The following AGBL1 variants were observed in gnomAD, a reference collection of about 807,000 sequenced individuals.
AGBL1 encodes cytosolic carboxypeptidase 4.
In AGBL1, 130 loss-of-function variants were observed where a neutral mutation model predicts 118.9. The ratio of observed to expected loss-of-function variants is 1.09; its 90% CI spans 0.95 to 1.26. The LOEUF (loss-of-function observed/expected upper bound fraction) is 1.26, where lower values mean the gene tolerates loss of function less well. Ranked by LOEUF, AGBL1 falls within the 50% of genes most tolerant of loss-of-function variation. AGBL1 has a pLI of 0.00. For missense variants in AGBL1, 1,584 were observed against 1,298.1 expected, an observed-to-expected ratio of 1.22 and a Z score of -3.38; for synonymous variants, 555 against 478.9, an observed-to-expected ratio of 1.16 and a Z score of -2.08.
At position 86,252,194 on chromosome 15, in the gene AGBL1, C is replaced by G. The variant is rs187089572; in HGVS notation, c.735+4315C>G. Among the ~76,000 whole-genome samples, 24 of 152,244 alleles carry G rather than the reference C, an allele frequency of 1.6e-4. No homozygotes were observed. In the East Asian group the frequency reaches 2.5e-3, roughly 16 times the overall value. On this transcript the variant is annotated intron_variant, in intron 7 of 22. Transcript: ENST00000614907. ...CCACTGGAATAAGAACTGATATGGC[C>G]TTTTAAAAGTCACAGTTGCCACCAT...
chr15:86,095,802 ATGTGAT>A (rs1896341990), intron 1 of AGBL1, among the ~76,000 whole-genome samples: 3 of 152,046 alleles, frequency 2.0e-5, no homozygotes, highest in Admixed American at 1.3e-4. Context: ...CATCCACTAC[ATGTGAT>A]TACTGATAAG....
chr15:86,337,830 T>G (rs2080397056), intron 17 of AGBL1, among the ~76,000 whole-genome samples: 1 of 152,164 alleles, frequency 6.6e-6, no homozygotes, highest in Admixed American at 6.5e-5. Flanking sequence ...GTAACAAACC[T>G]GCACATCTTG....
intron 21 of AGBL1, chr15:86,630,355 CA>C (rs1331864797): frequency 6.6e-5 from 10 of 152,188 alleles, no homozygotes; most frequent in African/African-American, 2.4e-4. Context: ...GTCACTGTAC[CA>C]ACAGGGACAC....
intron 22 of AGBL1, among the ~76,000 whole-genome samples, chr15:86,875,479 T>A (rs1363776026): frequency 6.6e-6 from 1 of 152,236 alleles, no homozygotes; most frequent in African/African-American, 2.4e-5. Context: ...GGGATCAGCG[T>A]TGAGCCTCAT....
intron 18 of AGBL1, among the ~76,000 whole-genome samples, chr15:86,459,301 C>A (rs572744163): frequency 2.5e-4 from 38 of 152,244 alleles, no homozygotes; most frequent in African/African-American, 8.7e-4. Flanking sequence ...CAGTTTTCCT[C>A]TGGCCTAATT....
chr15:86,632,076 C>G (rs556102260), intron 21 of AGBL1, among the ~76,000 whole-genome samples: 21 of 151,272 alleles, frequency 1.4e-4, no homozygotes, highest in African/African-American at 5.1e-4. Context: ...GCAGTCTGCG[C>G]AAGCCTAGGG....
intron 11 of AGBL1, among the ~76,000 whole-genome samples, 191 bp downstream of exon 11, chr15:86,265,029 G>A (rs1029903195): frequency 6.6e-6 from 1 of 152,180 alleles, no homozygotes; most frequent in Non-Finnish European, 1.5e-5. Flanking sequence ...AATCAAGTGT[G>A]GGGTAGTGGT....
chr15:86,124,135 G>A (rs1006341880), intron 1 of AGBL1, among the ~76,000 whole-genome samples: 1 of 152,064 alleles, frequency 6.6e-6, no homozygotes, highest in Non-Finnish European at 1.5e-5. Context: ...TTCAAGACCA[G>A]CCTGGCCAAC....
At chr15:86,244,781 C>T (rs2078694928) in intron 6 of AGBL1, among the ~76,000 whole-genome samples, 1 of 152,016 alleles carries the variant, frequency 6.6e-6, no homozygotes, top group African/African-American at 2.4e-5. Context: ...CCCACGGGGC[C>T]CCTGTGAACT....
intron 23 of AGBL1, among the ~76,000 whole-genome samples, chr15:86,926,880 C>T (rs1048568444): frequency 6.6e-6 from 1 of 152,146 alleles, no homozygotes; most frequent in African/African-American, 2.4e-5. Context: ...GTAGCTCATG[C>T]CTGTAATCCC....
chr15:86,449,923 C>G (rs1021671899), intron 18 of AGBL1, among the ~76,000 whole-genome samples: 3 of 147,186 alleles, frequency 2.0e-5, no homozygotes, highest in South Asian at 4.4e-4. Flanking sequence ...CAAATAAAAC[C>G]CCTTTCTCTT....
intron 17 of AGBL1, among the ~76,000 whole-genome samples, chr15:86,334,532 A>T (rs910471650): frequency 5.9e-5 from 9 of 152,234 alleles, no homozygotes; most frequent in Non-Finnish European, 1.3e-4. Context: ...AAATGGATGA[A>T]TATTCCATGG....
At chr15:86,564,529 G>A (rs2083882549) in intron 21 of AGBL1, among the ~76,000 whole-genome samples, 1 of 152,098 alleles carries the variant, frequency 6.6e-6, no homozygotes, top group Admixed American at 6.5e-5. Flanking sequence ...TCCCTTTGTG[G>A]GTAACCCGAC....
chr15:86,717,793 A>T (rs1341602001), intron 22 of AGBL1, among the ~76,000 whole-genome samples: 1 of 152,150 alleles, frequency 6.6e-6, no homozygotes, highest in Admixed American at 6.5e-5. Flanking sequence ...TTAAAACCCA[A>T]TTCAGGCCGG....
intron 17 of AGBL1, among the ~76,000 whole-genome samples, chr15:86,391,947 G>A (rs898096648): frequency 8.6e-5 from 13 of 151,902 alleles, no homozygotes; most frequent in African/African-American, 2.7e-4. Flanking sequence ...CAGATCAAAT[G>A]TTACCTTTTC....
chr15:86,903,993 G>T lies in AGBL1; in HGVS notation c.3159-3094G>T, dbSNP rs561573752. On this transcript the variant is annotated intron_variant, in intron 22 of 22. Coordinates refer to ENST00000614907, the MANE Select transcript of AGBL1 (RefSeq NM_001386094.1). ...TGGCTCCCGCATGAGGGAGATGGGGGTCTGGTGAGAGTAGAAGCCTAGGCT... is the reference window on the plus strand; with the variant it reads ...TGGCTCCCGCATGAGGGAGATGGGGTTCTGGTGAGAGTAGAAGCCTAGGCT... 1.0e-3 allele frequency among the ~76,000 whole-genome samples: 142 copies of T among 136,430 alleles called. No individual in the cohort carries two copies. In the Middle Eastern group the frequency reaches 0.026, roughly 25 times the overall value. 89.5% of individuals were successfully genotyped at this position (136,430 alleles called of 152,430 possible).
At chr15:86,376,897 C>A (rs1483437360) in intron 17 of AGBL1, among the ~76,000 whole-genome samples, 1 of 152,246 alleles carries the variant, frequency 6.6e-6, no homozygotes, top group Non-Finnish European at 1.5e-5. Flanking sequence ...TGCTTCATTG[C>A]ATAGTTATTA....
intron 5 of AGBL1, among the ~76,000 whole-genome samples, chr15:86,191,348 C>CAAAAAAAAAAAAAAAAAAAAAAAAAA (rs869108108): frequency 1.5e-5 from 1 of 65,118 alleles, no homozygotes; most frequent in Non-Finnish European, 2.5e-5. Context: ...AACTTTGTCT[C>CAAAAAAAAAAAAAAAAAAAAAAAAAA]AAAAAAAAAA....
intron 22 of AGBL1, among the ~76,000 whole-genome samples, chr15:86,758,470 C>A (rs2077974364): frequency 6.6e-6 from 1 of 152,044 alleles, no homozygotes; most frequent in Non-Finnish European, 1.5e-5. Context: ...TGATTAATAT[C>A]TATTTCATTC....
Sources: gnomAD v4.1 joint callset for allele counts (sites outside exome capture counted in the v4.1 genomes callset) on GRCh38, gnomAD v4.1.1 for gene constraint, MANE v1.5 for transcripts, NCBI Gene and HGNC (gene_info 2026-07-23, HGNC 2026-07-21) for gene names.